DAOA: variants seen among roughly 807,000 people sequenced by gnomAD.
The protein encoded by DAOA is D-amino acid oxidase activator.
In DAOA, 15 loss-of-function variants were observed where a neutral mutation model predicts 16.4. That is an observed-to-expected ratio of 0.91 (90% CI 0.61 to 1.41). The LOEUF is 1.41. Among genes scored for constraint, DAOA ranks in the 40% most tolerant of loss-of-function variants. The pLI, the probability that DAOA is intolerant of heterozygous loss-of-function variation, is 0.00. For synonymous variants in DAOA, 75 were observed against 59.1 expected (o/e 1.27, Z -1.23); for missense variants, 230 against 176.8 (o/e 1.30, Z -1.71).
intron 3 of DAOA, among the ~76,000 whole-genome samples, chr13:105,468,735 T>G (rs1336146047): frequency 1.3e-5 from 2 of 152,194 alleles, no homozygotes; most frequent in African/African-American, 4.8e-5. Context: ...AAGCTAAGAA[T>G]GTTGGAAGGA....
intron 4 of DAOA, among the ~76,000 whole-genome samples, chr13:105,482,824 T>C (rs1217313940): frequency 1.3e-5 from 2 of 152,058 alleles, no homozygotes; most frequent in Non-Finnish European, 2.9e-5. Flanking sequence ...AGAGTTCAAA[T>C]GAAATTGTGA....
intron 4 of DAOA, among the ~76,000 whole-genome samples, chr13:105,479,218 G>A (rs188497784): frequency 2.0e-5 from 3 of 152,134 alleles, no homozygotes; most frequent in East Asian, 3.9e-4. Context: ...TTTTTTCAAG[G>A]GATTTTTGCC....
At chr13:105,478,117 C>T (rs1395662128) in intron 4 of DAOA, among the ~76,000 whole-genome samples, 2 of 152,188 alleles carry the variant, frequency 1.3e-5, no homozygotes, top group Non-Finnish European at 2.9e-5. Flanking sequence ...TAAGCCAAAG[C>T]AGCCTATAAG....
chr13:105,481,037 C>G (rs1877712007), intron 4 of DAOA, among the ~76,000 whole-genome samples: 1 of 152,196 alleles, frequency 6.6e-6, no homozygotes, highest in Non-Finnish European at 1.5e-5. Flanking sequence ...AAAATTATCA[C>G]AGCATCTAAA....
intron 4 of DAOA, among the ~76,000 whole-genome samples, chr13:105,475,353 T>C (rs139651002): frequency 5.3e-5 from 8 of 152,304 alleles, no homozygotes; most frequent in African/African-American, 1.7e-4. Flanking sequence ...TACCTCTCTC[T>C]TCCCAAAAGA....
At chr13:105,481,965 T>C (rs1877775500) in intron 4 of DAOA, among the ~76,000 whole-genome samples, 1 of 152,184 alleles carries the variant, frequency 6.6e-6, no homozygotes, top group Non-Finnish European at 1.5e-5. Flanking sequence ...TCCACATGGC[T>C]GAGAAGGCCT....
intron 4 of DAOA, among the ~76,000 whole-genome samples, chr13:105,487,591 GAAA>G (rs5806501): frequency 0.018 from 2,541 of 138,194 alleles, 70 homozygotes; most frequent in African/African-American, 0.06. Flanking sequence ...AAGAAAAAAA[GAAA>G]AAAAAAAAAC....
intron 4 of DAOA, among the ~76,000 whole-genome samples, chr13:105,489,170 A>G (rs550423493): frequency 1.3e-5 from 2 of 152,260 alleles, no homozygotes; most frequent in Non-Finnish European, 2.9e-5. Context: ...GCTTTTATAA[A>G]TGCGTTATTT....
chr13:105,470,116 ATT>A (rs33937275), intron 3 of DAOA, among the ~76,000 whole-genome samples: 4 of 142,246 alleles, frequency 2.8e-5, no homozygotes, highest in Non-Finnish European at 3.1e-5. Flanking sequence ...GCTCATTGGA[ATT>A]TTTTTTTTTT....
chr13:105,485,225 A>C (rs1878025945), intron 4 of DAOA, among the ~76,000 whole-genome samples: 1 of 152,200 alleles, frequency 6.6e-6, no homozygotes, highest in South Asian at 2.1e-4. Flanking sequence ...CTCTCATTTG[A>C]ATTCCAAAGG....
At chr13:105,486,275 A>G (rs531554365) in intron 4 of DAOA, among the ~76,000 whole-genome samples, 7 of 152,218 alleles carry the variant, frequency 4.6e-5, no homozygotes, top group Admixed American at 2.0e-4. Context: ...TCATCAAAGT[A>G]TTCTAATCAC....
intron 4 of DAOA, among the ~76,000 whole-genome samples, chr13:105,480,175 T>C (rs1040377235): frequency 4.6e-5 from 7 of 152,212 alleles, no homozygotes; most frequent in African/African-American, 1.7e-4. Context: ...TAAAATTCCC[T>C]GTCATTAAAA....
chr13:105,482,155 C>G (rs1487758802), intron 4 of DAOA, among the ~76,000 whole-genome samples: 1 of 152,080 alleles, frequency 6.6e-6, no homozygotes, highest in Non-Finnish European at 1.5e-5. Flanking sequence ...TCCCAGGGTC[C>G]CTCCCATGAT....
chr13:105,489,084 C>G (rs1047691988), intron 4 of DAOA, among the ~76,000 whole-genome samples: 14 of 152,298 alleles, frequency 9.2e-5, no homozygotes, highest in Non-Finnish European at 1.6e-4. Context: ...GTGGGTAGTA[C>G]TTACAGGACG....
chr13:105,466,458 C>A, intron 2 of DAOA, 126 bp downstream of exon 2: 1 of 1,500,088 alleles, frequency 6.7e-7, no homozygotes, highest in Non-Finnish European at 9.1e-7. Context: ...GGTTGGAAGC[C>A]TGAGCCCAGT....
In DAOA at chr13:105,472,549, G is replaced by A. The variant is rs761912948; in HGVS notation, c.145G>A (p.Glu49Lys). 1 of 1,613,800 alleles carries A rather than the reference G, an allele frequency of 6.2e-7. No homozygotes were observed. The highest frequency in any genetic ancestry group is 1.7e-5 in the Admixed American group (1 of 59,994). The change falls in exon 4 of 6, where the codon GAA becomes AAA. Residue 49 changes from glutamate to lysine, a missense_variant. Coordinates refer to ENST00000375936, the MANE Select transcript of DAOA (RefSeq NM_172370.5). ...NSLNSIAKETEEGRETVTRKE... is the reference protein window; with the variant it reads ...NSLNSIAKETKEGRETVTRKE... The stretch of plus-strand genomic sequence containing the variant: ...AAATACTGTTGCAGCAAAGGAGACA[G>A]AAGAAGGAAGAGAGACGGTAACAAG...
intron 4 of DAOA, chr13:105,475,091 A>G (rs993999614): frequency 1.0e-6 from 1 of 957,480 alleles, no homozygotes; most frequent in African/African-American, 1.8e-5. Context: ...TAAGCTGCAT[A>G]CCCCTAGTGA....
intron 4 of DAOA, among the ~76,000 whole-genome samples, chr13:105,481,329 G>A (rs78734268): frequency 6.1e-4 from 93 of 152,114 alleles, no homozygotes; most frequent in African/African-American, 2.1e-3. Flanking sequence ...GAAGATTTGG[G>A]GTCTTAACTT....
At chr13:105,466,925 G>T in intron 2 of DAOA, 128 bp from the exon 3 acceptor site, 1 of 1,233,292 alleles carries the variant, frequency 8.1e-7, no homozygotes, top group Non-Finnish European at 1.0e-6. Flanking sequence ...TGGCTGAATA[G>T]TTAAGATTAA....
Sources: allele counts gnomAD v4.1 joint callset (sites outside exome capture counted in the v4.1 genomes callset), GRCh38; gene constraint gnomAD v4.1.1; transcripts MANE v1.5; gene names NCBI Gene and HGNC (gene_info 2026-07-23, HGNC 2026-07-21).